The following ERBB4 variants were observed in gnomAD, a reference collection of about 807,000 sequenced individuals.
ERBB4 encodes erb-b2 receptor tyrosine kinase 4.
A neutral mutation model predicts 158.0 loss-of-function variants in ERBB4; 42 were observed. The ratio of observed to expected loss-of-function variants is 0.27; its 90% confidence interval spans 0.21 to 0.34. ERBB4 has a LOEUF of 0.34. ERBB4 is among the 10% of genes least tolerant of loss of function. The probability of loss-of-function intolerance (pLI) is 1.00; values close to 1 mark genes in which losing one functional copy is unlikely to be tolerated. For missense variants in ERBB4, 1,333 were observed against 1,624.1 expected (o/e 0.82, Z 3.08); for synonymous variants, 583 against 558.7 (o/e 1.04, Z -0.61).
chr2:212,062,545 T>C (rs1447809715), intron 2 of ERBB4, among the ~76,000 whole-genome samples: 1 of 151,058 alleles, frequency 6.6e-6, no homozygotes, highest in East Asian at 2.0e-4. Flanking sequence ...GTAGCTGAGA[T>C]TAAAGGCATG....
intron 1 of ERBB4, among the ~76,000 whole-genome samples, chr2:212,533,904 G>C (rs1333900408): frequency 6.6e-6 from 1 of 152,124 alleles, no homozygotes; most frequent in Non-Finnish European, 1.5e-5. Flanking sequence ...ACAGATGTAG[G>C]CTTGAACCTC....
chr2:212,181,499 ACT>A (rs1203995818), intron 1 of ERBB4, among the ~76,000 whole-genome samples: 1 of 151,620 alleles, frequency 6.6e-6, no homozygotes, highest in African/African-American at 2.4e-5. Context: ...AATTTTATTG[ACT>A]CTGAATTACA....
At chr2:212,137,865 A>G (rs1314497777) in intron 1 of ERBB4, among the ~76,000 whole-genome samples, 1 of 152,188 alleles carries the variant, frequency 6.6e-6, no homozygotes, top group Non-Finnish European at 1.5e-5. Context: ...TTCAAGTACT[A>G]ACTGTAATTG....
In ERBB4 at chr2:212,305,270, T is replaced by C. The variant is rs187702222; in HGVS notation, c.83-180367A>G. Reference sequence around the variant, plus strand: ...AATAAAGAAAAACTAATTGGTCTATTATCAGTATTAATGTATGCTGTTTAG... The same window carrying C: ...AATAAAGAAAAACTAATTGGTCTATCATCAGTATTAATGTATGCTGTTTAG... On this transcript the variant is annotated intron_variant, in intron 1 of 27. Transcript: ENST00000342788. Among the ~76,000 whole-genome samples the C allele has an allele frequency of 1.2e-3, 188 of 151,494 alleles. 2 individuals carry two copies. The highest frequency in any genetic ancestry group is 0.012 in the Admixed American group (188 of 15,154).
chr2:212,482,412 T>C (rs111599547), intron 1 of ERBB4, among the ~76,000 whole-genome samples: 1,734 of 152,358 alleles, frequency 0.011, 14 homozygotes, highest in Middle Eastern at 0.037. Flanking sequence ...ATTTGGATAG[T>C]ATTTTAGAAT....
intron 14 of ERBB4, among the ~76,000 whole-genome samples, chr2:211,667,894 T>C (rs1193300134): frequency 6.6e-6 from 1 of 152,214 alleles, no homozygotes. Flanking sequence ...CTTTGTTTTT[T>C]AAGCATCTCT....
chr2:211,849,265 C>A (rs1276814317), intron 3 of ERBB4, among the ~76,000 whole-genome samples: 1 of 151,868 alleles, frequency 6.6e-6, no homozygotes, highest in Non-Finnish European at 1.5e-5. Context: ...TGGAAATATA[C>A]ATTAATAACT....
At chr2:212,395,822 T>C (rs762963680) in intron 1 of ERBB4, among the ~76,000 whole-genome samples, 6 of 152,100 alleles carry the variant, frequency 3.9e-5, no homozygotes, top group Non-Finnish European at 8.8e-5. Context: ...TTTCACCATG[T>C]TGGCCAGGAT....
At chr2:211,392,253 C>G (rs1360568282) in intron 25 of ERBB4, among the ~76,000 whole-genome samples, 1 of 150,332 alleles carries the variant, frequency 6.7e-6, no homozygotes, top group Non-Finnish European at 1.5e-5. Context: ...ATTCCTGATG[C>G]ATGGTTGTAA....
chr2:211,739,941 G>A (rs1008190391), intron 5 of ERBB4, among the ~76,000 whole-genome samples: 4 of 152,090 alleles, frequency 2.6e-5, no homozygotes, highest in African/African-American at 9.7e-5. Flanking sequence ...TAATTTTGTG[G>A]TTACATATTG....
chr2:212,190,387 A>G (rs2082150986), intron 1 of ERBB4, among the ~76,000 whole-genome samples: 2 of 152,092 alleles, frequency 1.3e-5, no homozygotes, highest in Non-Finnish European at 2.9e-5. Flanking sequence ...ATACAAAAAA[A>G]TTAGCCGGGC....
At chr2:212,345,098 T>C (rs2088920415) in intron 1 of ERBB4, among the ~76,000 whole-genome samples, 1 of 151,554 alleles carries the variant, frequency 6.6e-6, no homozygotes, top group Admixed American at 6.6e-5. Flanking sequence ...ACCCCGTCTC[T>C]ACTAAAAATA....
At chr2:212,166,673 C>G (rs1010377343) in intron 1 of ERBB4, among the ~76,000 whole-genome samples, 1 of 151,948 alleles carries the variant, frequency 6.6e-6, no homozygotes, top group South Asian at 2.1e-4. Context: ...GGAGGCATCA[C>G]GCTACCTGAC....
chr2:211,947,414 T>C lies in ERBB4; in HGVS notation c.421+16A>G. 6.2e-7 allele frequency: 1 copy of C among 1,604,660 alleles called. No individual in the cohort carries two copies. Among genetic ancestry groups the C allele is most frequent in the Non-Finnish European group, 8.5e-7 (1 of 1,171,734 alleles). ...GATAATGAAAGCATATTTGCCATTT[T>C]GGATATATTCCTTACCTGTCAAGTT... On this transcript the variant is annotated intron_variant, in intron 3 of 27. Transcript: ENST00000342788.
chr2:212,530,563 T>C (rs1243139020), intron 1 of ERBB4, among the ~76,000 whole-genome samples: 1 of 152,112 alleles, frequency 6.6e-6, no homozygotes. Context: ...AATAGAAGAC[T>C]GTGCCACTTA....
At chr2:212,498,758 A>G (rs549254109) in intron 1 of ERBB4, among the ~76,000 whole-genome samples, 1 of 152,072 alleles carries the variant, frequency 6.6e-6, no homozygotes, top group South Asian at 2.1e-4. Flanking sequence ...CTACCAGTCC[A>G]TCTACAAAAA....
intron 2 of ERBB4, among the ~76,000 whole-genome samples, chr2:211,973,708 C>A (rs1040520729): frequency 6.6e-5 from 10 of 152,150 alleles, no homozygotes; most frequent in African/African-American, 2.4e-4. Flanking sequence ...AAATACCATT[C>A]AACCCAGCAA....
intron 2 of ERBB4, among the ~76,000 whole-genome samples, chr2:212,012,102 T>C (rs2076402180): frequency 6.6e-6 from 1 of 152,210 alleles, no homozygotes; most frequent in South Asian, 2.1e-4. Flanking sequence ...ATATTTGATA[T>C]GTTTTAATTC....
At chr2:212,092,073 T>C (rs750056014) in intron 2 of ERBB4, among the ~76,000 whole-genome samples, 3 of 152,162 alleles carry the variant, frequency 2.0e-5, no homozygotes, top group Non-Finnish European at 4.4e-5. Flanking sequence ...ATTATAACTC[T>C]AGGTCACAGG....
Sources: gnomAD v4.1 joint callset for allele counts (sites outside exome capture counted in the v4.1 genomes callset) on GRCh38, gnomAD v4.1.1 for gene constraint, MANE v1.5 for transcripts, NCBI Gene and HGNC (gene_info 2026-07-23, HGNC 2026-07-21) for gene names.